PHKB: variants seen among roughly 807,000 people sequenced by gnomAD.
The protein encoded by PHKB is phosphorylase b kinase regulatory subunit beta.
In PHKB, 122 loss-of-function variants were observed where a neutral mutation model predicts 152.1. The observed-to-expected ratio is 0.80, with a 90% confidence interval of 0.69 to 0.93. The LOEUF is 0.93. PHKB is among the 40% of genes least tolerant of loss of function. The probability of loss-of-function intolerance (pLI) is 0.00; values close to 1 mark genes in which losing one functional copy is unlikely to be tolerated. For missense variants in PHKB, 1,304 were observed against 1,328.4 expected, an observed-to-expected ratio of 0.98 and a Z score of 0.29; for synonymous variants, 436 against 464.9, an observed-to-expected ratio of 0.94 and a Z score of 0.80.
At chr16:47,535,105 T>C (rs78947347) in intron 6 of PHKB, among the ~76,000 whole-genome samples, 286 of 152,162 alleles carry the variant, frequency 1.9e-3, no homozygotes, top group African/African-American at 6.6e-3. Context: ...CACTAAAGAG[T>C]GTGTGAAATC....
chr16:47,498,913 G>T (rs983861409), intron 2 of PHKB, among the ~76,000 whole-genome samples: 13 of 152,088 alleles, frequency 8.5e-5, no homozygotes, highest in African/African-American at 2.9e-4. Context: ...AAAACAAAAG[G>T]GTAGTTGCCA....
chr16:47,594,438 GT>G, intron 12 of PHKB, among the ~76,000 whole-genome samples: 1 of 152,286 alleles, frequency 6.6e-6, no homozygotes, highest in East Asian at 1.9e-4. Flanking sequence ...GGTGGACTGA[GT>G]TCCTTCATCT....
chr16:47,650,692 G>A (rs2151731491), intron 19 of PHKB, 66 bp downstream of exon 19: 1 of 1,296,698 alleles, frequency 7.7e-7, no homozygotes, highest in Non-Finnish European at 1.1e-6. Flanking sequence ...CCCTTGGGAA[G>A]AAAGGCCTCC....
rs1192576914 is a variant in PHKB at position 47,465,683 on chromosome 16, G to T, written c.76+4257G>T. ...TAAGTACCATACCTGCTGGTGTTAG[G>T]CTTAACTTTGCATTGTGTTTTGAAT... On this transcript the variant is annotated intron_variant, in intron 1 of 30. Transcript: ENST00000323584. 3.9e-5 allele frequency among the ~76,000 whole-genome samples: 6 copies of T among 152,092 alleles called. 1 individual carries two copies. The highest frequency in any genetic ancestry group is 3.9e-4 in the Admixed American group (6 of 15,278).
At chr16:47,506,226 T>C (rs1006387817) in intron 4 of PHKB, among the ~76,000 whole-genome samples, 2 of 148,330 alleles carry the variant, frequency 1.3e-5, no homozygotes, top group African/African-American at 2.5e-5. Context: ...ATAAAAAGAG[T>C]GATAACAAGT....
At chr16:47,551,436 A>G (rs1013076738) in intron 7 of PHKB, among the ~76,000 whole-genome samples, 9 of 152,208 alleles carry the variant, frequency 5.9e-5, no homozygotes, top group African/African-American at 2.2e-4. Context: ...TTGGTTTCAA[A>G]GAACTTATTT....
At chr16:47,468,857 T>A (rs1482443652) in intron 1 of PHKB, among the ~76,000 whole-genome samples, 1 of 152,182 alleles carries the variant, frequency 6.6e-6, no homozygotes, top group Admixed American at 6.5e-5. Context: ...AGGCTCTCTC[T>A]AATAGCTATT....
In PHKB at chr16:47,649,133, T is replaced by G. The variant is rs1973188482; in HGVS notation, c.1726T>G (p.Tyr576Asp). The change falls in exon 18 of 31, where the codon TAC (tyrosine) becomes GAC (aspartate). Residue 576 changes from tyrosine (Y) to aspartate (D), a missense_variant. By Grantham distance (160) the Tyr-to-Asp change is radical (BLOSUM62 -3). Transcript: ENST00000323584. The part of the protein sequence containing the change: ...YRILGKTVVC[Y>D]PIIFDLSDFY... Reference sequence around the variant, plus strand: ...CATTCTAGGAAAGACTGTGGTTTGTTACCCGATTATTTTCGACCTAAGTGA... The same window carrying G: ...CATTCTAGGAAAGACTGTGGTTTGTGACCCGATTATTTTCGACCTAAGTGA... 1.2e-6 allele frequency: 2 copies of G among 1,609,512 alleles called. No homozygotes were observed. The highest frequency in any genetic ancestry group is 1.7e-6 in the Non-Finnish European group (2 of 1,175,904).
At chr16:47,489,073 A>G (rs1312677423) in intron 1 of PHKB, among the ~76,000 whole-genome samples, 19 of 152,010 alleles carry the variant, frequency 1.2e-4, no homozygotes, top group Admixed American at 1.2e-3. Context: ...TATTTTTTTG[A>G]GACAGAGTCT....
chr16:47,654,759 A>G (rs1209120201), intron 20 of PHKB, among the ~76,000 whole-genome samples: 1 of 144,994 alleles, frequency 6.9e-6, no homozygotes, highest in Non-Finnish European at 1.5e-5. Context: ...CAATGAGAAC[A>G]CTTGGACACA....
At chr16:47,564,838 T>C (rs755907144) in intron 7 of PHKB, among the ~76,000 whole-genome samples, 7 of 152,206 alleles carry the variant, frequency 4.6e-5, no homozygotes, top group Admixed American at 2.0e-4. Context: ...CCCAGCACCA[T>C]TTATTGAATG....
intron 7 of PHKB, among the ~76,000 whole-genome samples, chr16:47,550,388 G>C (rs1187022457): frequency 1.3e-5 from 2 of 152,178 alleles, no homozygotes; most frequent in Non-Finnish European, 2.9e-5. Flanking sequence ...CAGTATCCTT[G>C]TTATATCCTG....
intron 20 of PHKB, among the ~76,000 whole-genome samples, chr16:47,651,943 T>C (rs1973243991): frequency 6.6e-6 from 1 of 152,172 alleles, no homozygotes; most frequent in Non-Finnish European, 1.5e-5. Flanking sequence ...GGCTATCATG[T>C]TTTAAATTTT....
chr16:47,604,224 A>G (rs1355511029), intron 13 of PHKB, among the ~76,000 whole-genome samples: 4 of 152,050 alleles, frequency 2.6e-5, no homozygotes, highest in Non-Finnish European at 5.9e-5. Flanking sequence ...TGAATGTTTT[A>G]TATATTAAGT....
intron 26 of PHKB, among the ~76,000 whole-genome samples, chr16:47,676,562 A>G (rs1313407377): frequency 6.6e-6 from 1 of 152,054 alleles, no homozygotes; most frequent in Non-Finnish European, 1.5e-5. Context: ...ACTCTCTCTT[A>G]GTGTTTTTTT....
At chr16:47,532,819 T>G (rs1243936709) in intron 6 of PHKB, among the ~76,000 whole-genome samples, 1 of 152,254 alleles carries the variant, frequency 6.6e-6, no homozygotes, top group East Asian at 1.9e-4. Flanking sequence ...TCAGCCCTAT[T>G]TGTGTTACAG....
In PHKB at chr16:47,499,671, G is replaced by A. The variant is rs954887241; in HGVS notation, c.167-85G>A. On this transcript the variant is annotated intron_variant, in intron 2 of 30. Coordinates refer to ENST00000323584, the MANE Select transcript of PHKB (RefSeq NM_000293.3). ...GAAACAAAATCGTCAGAAGTGGGAT[G>A]AGGAAACCAAAGAAGATTAAAACAT... The A allele has an allele frequency of 2.0e-6, 3 of 1,520,016 alleles. No individual in the cohort carries two copies. The African/African-American group carries it at 4.1e-5, about 21-fold the overall frequency. The allele number at this position is 1,520,016 out of a possible 1,614,324, so 94.2% of individuals were successfully genotyped here.
At chr16:47,500,901 C>T (rs1970314621) in intron 3 of PHKB, among the ~76,000 whole-genome samples, 1 of 152,118 alleles carries the variant, frequency 6.6e-6, no homozygotes, top group Non-Finnish European at 1.5e-5. Flanking sequence ...ATTGTATCTT[C>T]CACATGAACA....
chr16:47,553,020 G>T (rs569099699), intron 7 of PHKB, among the ~76,000 whole-genome samples: 39 of 152,250 alleles, frequency 2.6e-4, no homozygotes, highest in Admixed American at 1.2e-3. Context: ...TCTTGGGGTT[G>T]TTCTTCTCAA....
Sources: gnomAD v4.1 joint callset for allele counts (sites outside exome capture counted in the v4.1 genomes callset) on GRCh38, gnomAD v4.1.1 for gene constraint, MANE v1.5 for transcripts, NCBI Gene and HGNC (gene_info 2026-07-23, HGNC 2026-07-21) for gene names.